SGCD: variants seen among roughly 807,000 people sequenced by gnomAD.
SGCD encodes the protein sarcoglycan delta, also known as delta-sarcoglycan.
Under a neutral mutation model 36.6 loss-of-function variants are expected in SGCD, and 18 were observed. The observed-to-expected ratio is 0.49, with a 90% CI of 0.34 to 0.73. SGCD has a LOEUF of 0.73. Among genes scored for constraint, SGCD ranks in the 30% least tolerant of loss-of-function variants. The pLI is 0.01. For synonymous variants in SGCD, 133 were observed against 130.6 expected, an observed-to-expected ratio of 1.02 and a Z score of -0.12; for missense variants, 387 against 346.7, an observed-to-expected ratio of 1.12 and a Z score of -0.92.
the SGCD span, among the ~76,000 whole-genome samples, chr5:155,752,680 G>A: frequency 5.9e-5 from 9 of 152,110 alleles, no homozygotes; most frequent in Non-Finnish European, 1.3e-4. Context: ...GATTTAATCA[G>A]TATTTATCTT....
chr5:156,049,731 T>C (rs11742181), intron 1 of SGCD, among the ~76,000 whole-genome samples: 5,305 of 146,548 alleles, frequency 0.036, 793 homozygotes, highest in Non-Finnish European at 0.058. Context: ...ATTAAGAACA[T>C]TTGTGATTCA....
the SGCD span, among the ~76,000 whole-genome samples, chr5:155,798,917 G>T: frequency 2.3e-4 from 35 of 152,264 alleles, no homozygotes; most frequent in African/African-American, 8.4e-4. Flanking sequence ...GAGGAAACCT[G>T]GGGAAGAACT....
chr5:156,019,801 G>A (rs974229214), intron 1 of SGCD, among the ~76,000 whole-genome samples: 6 of 152,236 alleles, frequency 3.9e-5, no homozygotes, highest in Admixed American at 2.6e-4. Context: ...GGTAGTGATC[G>A]TATTATTTCT....
At chr5:156,339,658 A>G (rs1455071477) in intron 2 of SGCD, among the ~76,000 whole-genome samples, 1 of 152,222 alleles carries the variant, frequency 6.6e-6, no homozygotes, top group Non-Finnish European at 1.5e-5. Flanking sequence ...TTTATACTGT[A>G]GTATTCTATT....
At chr5:156,560,508 G>A (rs1237256297) in intron 4 of SGCD, among the ~76,000 whole-genome samples, 1 of 152,108 alleles carries the variant, frequency 6.6e-6, no homozygotes, top group Non-Finnish European at 1.5e-5. Context: ...GCACCTGTAG[G>A]CTATGTTTAT....
At chr5:156,562,167 A>G (rs955505794) in intron 4 of SGCD, among the ~76,000 whole-genome samples, 3 of 152,228 alleles carry the variant, frequency 2.0e-5, no homozygotes, top group Non-Finnish European at 2.9e-5. Flanking sequence ...AAAATGGGCA[A>G]TAAACAATAA....
chr5:155,837,061 C>T, the SGCD span, among the ~76,000 whole-genome samples: 437 of 152,348 alleles, frequency 2.9e-3, 2 homozygotes, highest in African/African-American at 9.3e-3. Context: ...TGGGATCATA[C>T]TTCACATATT....
At chr5:156,422,540 A>T (rs921587233) in intron 3 of SGCD, among the ~76,000 whole-genome samples, 2 of 152,062 alleles carry the variant, frequency 1.3e-5, no homozygotes, top group Non-Finnish European at 2.9e-5. Flanking sequence ...TGGCTATGCC[A>T]CAAGATCCTC....
Position 156,594,330 on chromosome 5 carries a change from AT to A in SGCD, c.383-599del, listed in dbSNP as rs549682330. 2.0e-3 allele frequency among the ~76,000 whole-genome samples: 310 copies of A among 152,306 alleles called. 1 individual carries two copies. Among genetic ancestry groups the A allele is most frequent in the African/African-American group, 7.3e-3 (304 of 41,570 alleles). On this transcript the variant is annotated intron_variant, in intron 5 of 8. Transcript: ENST00000337851. Reference sequence around the variant, plus strand: ...TGTTGTCATCTGATAAACTATCTAAATTTAGTTTTCACTGAACAAAATCCTA... The same window carrying A: ...TGTTGTCATCTGATAAACTATCTAAATTAGTTTTCACTGAACAAAATCCTA...
chr5:155,783,354 A>G, the SGCD span, among the ~76,000 whole-genome samples: 1 of 152,166 alleles, frequency 6.6e-6, no homozygotes, highest in Non-Finnish European at 1.5e-5. Context: ...TAAAATATAA[A>G]TAAGTTGGTG....
At chr5:156,048,069 G>A (rs977675577) in intron 1 of SGCD, among the ~76,000 whole-genome samples, 8 of 151,992 alleles carry the variant, frequency 5.3e-5, no homozygotes, top group South Asian at 2.1e-4. Context: ...GAGAACATGC[G>A]GTGTTTGGTT....
chr5:156,099,117 A>G (rs1761454637), intron 1 of SGCD, among the ~76,000 whole-genome samples: 1 of 152,140 alleles, frequency 6.6e-6, no homozygotes, highest in Non-Finnish European at 1.5e-5. Flanking sequence ...TAAAAGAGAG[A>G]CAATACATCT....
intron 3 of SGCD, among the ~76,000 whole-genome samples, chr5:156,359,697 G>A (rs1479033461): frequency 6.6e-6 from 1 of 152,184 alleles, no homozygotes; most frequent in Non-Finnish European, 1.5e-5. Flanking sequence ...GGCACATGAA[G>A]AATGCTGATG....
intron 3 of SGCD, among the ~76,000 whole-genome samples, chr5:156,184,249 A>T (rs1763678738): frequency 6.6e-6 from 1 of 152,160 alleles, no homozygotes; most frequent in South Asian, 2.1e-4. Context: ...CACCATTAGA[A>T]AGTCAAAAAA....
chr5:155,800,622 C>T, the SGCD span, among the ~76,000 whole-genome samples: 5 of 152,072 alleles, frequency 3.3e-5, no homozygotes, highest in East Asian at 1.9e-4. Context: ...GAGATTTTAC[C>T]GGAATGTGGC....
chr5:156,364,893 T>C (rs1770005722), intron 3 of SGCD, among the ~76,000 whole-genome samples: 1 of 152,118 alleles, frequency 6.6e-6, no homozygotes, highest in African/African-American at 2.4e-5. Context: ...TGGTCTGGGC[T>C]TTTTCACAAG....
intron 3 of SGCD, among the ~76,000 whole-genome samples, chr5:156,412,265 C>A (rs1021255396): frequency 3.9e-5 from 6 of 152,186 alleles, no homozygotes; most frequent in African/African-American, 1.4e-4. Context: ...GGCTGGTTAG[C>A]GTGAGCCTCA....
chr5:156,667,201 G>T (rs929986283), intron 7 of SGCD, among the ~76,000 whole-genome samples: 1 of 152,070 alleles, frequency 6.6e-6, no homozygotes, highest in Non-Finnish European at 1.5e-5. Flanking sequence ...TCAGATAAAG[G>T]ATCCTCATTC....
At chr5:155,875,070 G>T (rs1265100426) in intron 1 of SGCD, among the ~76,000 whole-genome samples, 1 of 152,122 alleles carries the variant, frequency 6.6e-6, no homozygotes, top group Admixed American at 6.6e-5. Flanking sequence ...ATGGAAAACT[G>T]CTTGGCACTA....
Sources: allele counts gnomAD v4.1 joint callset (sites outside exome capture counted in the v4.1 genomes callset), GRCh38; gene constraint gnomAD v4.1.1; transcripts MANE v1.5; gene names NCBI Gene and HGNC (gene_info 2026-07-23, HGNC 2026-07-21).